The following HSPA12A variants were observed in gnomAD, a reference collection of about 807,000 sequenced individuals.
The protein encoded by HSPA12A is heat shock 70 kDa protein 12A.
In HSPA12A, 28 loss-of-function variants were observed where a neutral mutation model predicts 69.2. The observed-to-expected ratio is 0.40, with a 90% CI of 0.30 to 0.55. The LOEUF (loss-of-function observed/expected upper bound fraction) is 0.55, where lower values mean the gene tolerates loss of function less well. Among genes scored for constraint, HSPA12A ranks in the 20% least tolerant of loss-of-function variants. The pLI, the probability that HSPA12A is intolerant of heterozygous loss-of-function variation, is 0.38. For synonymous variants in HSPA12A, 345 were observed against 370.5 expected (o/e 0.93, Z 0.79); for missense variants, 686 against 900.7 (o/e 0.76, Z 3.05).
intron 2 of HSPA12A, among the ~76,000 whole-genome samples, chr10:116,758,606 T>G (rs1477242126): frequency 6.6e-6 from 1 of 152,182 alleles, no homozygotes; most frequent in Non-Finnish European, 1.5e-5. Flanking sequence ...AATCCCTGCC[T>G]GTGGATCATT....
intron 7 of HSPA12A, 73 bp downstream of exon 7, chr10:116,683,718 C>T (rs1564775578): frequency 1.5e-6 from 2 of 1,374,648 alleles, no homozygotes; most frequent in Non-Finnish European, 1.9e-6. Context: ...CCTTTAAAAT[C>T]ATCAGAGGGA....
At chr10:116,807,016 G>A (rs1845083262) in intron 2 of HSPA12A, among the ~76,000 whole-genome samples, 1 of 152,212 alleles carries the variant, frequency 6.6e-6, no homozygotes. Context: ...TGAAGACAGA[G>A]GTGGAGACTG....
chr10:116,749,302 T>C (rs926275832), intron 2 of HSPA12A, among the ~76,000 whole-genome samples: 1 of 152,192 alleles, frequency 6.6e-6, no homozygotes, highest in East Asian at 1.9e-4. Flanking sequence ...AGAATGAACA[T>C]TTATCAAGCA....
At chr10:116,762,990 A>G (rs1046078012) in intron 2 of HSPA12A, among the ~76,000 whole-genome samples, 26 of 152,136 alleles carry the variant, frequency 1.7e-4, no homozygotes, top group African/African-American at 6.0e-4. Context: ...CCTCTAAGGC[A>G]GTTCTCTCTT....
chr10:116,769,805 C>T (rs1302974939), intron 2 of HSPA12A, among the ~76,000 whole-genome samples: 1 of 152,174 alleles, frequency 6.6e-6, no homozygotes, highest in Non-Finnish European at 1.5e-5. Context: ...TTCTGAAGCC[C>T]CTTTACTCTC....
At chr10:116,759,989 T>G (rs1159430809) in intron 2 of HSPA12A, among the ~76,000 whole-genome samples, 1 of 152,214 alleles carries the variant, frequency 6.6e-6, no homozygotes, top group African/African-American at 2.4e-5. Context: ...CATGGAACTA[T>G]GAACCCATTA....
At chr10:116,779,038 T>C (rs1554891475) in intron 2 of HSPA12A, among the ~76,000 whole-genome samples, 2 of 152,200 alleles carry the variant, frequency 1.3e-5, no homozygotes, top group East Asian at 1.9e-4. Context: ...ATGCCTGATA[T>C]AGGTCAGTTA....
intron 2 of HSPA12A, among the ~76,000 whole-genome samples, chr10:116,820,632 TG>T (rs1845394703): frequency 6.6e-6 from 1 of 152,104 alleles, no homozygotes; most frequent in African/African-American, 2.4e-5. Flanking sequence ...CTCATTGCTG[TG>T]GCTCTGAATG....
chr10:116,730,722 T>C (rs1163632028), intron 1 of HSPA12A, among the ~76,000 whole-genome samples: 3 of 152,230 alleles, frequency 2.0e-5, no homozygotes, highest in African/African-American at 7.2e-5. Flanking sequence ...TTCTAGCAGC[T>C]TTGCTGGCCA....
chr10:116,785,779 G>A (rs2133144117), intron 2 of HSPA12A, among the ~76,000 whole-genome samples: 1 of 152,206 alleles, frequency 6.6e-6, no homozygotes, highest in East Asian at 1.9e-4. Context: ...CCATCCACCG[G>A]TTATCCCAGC....
chr10:116,811,721 C>G (rs1223488582), intron 2 of HSPA12A, among the ~76,000 whole-genome samples: 13 of 152,178 alleles, frequency 8.5e-5, no homozygotes, highest in Admixed American at 7.9e-4. Context: ...AATCAAACTG[C>G]CTGCGCTCCG....
In HSPA12A at chr10:116,763,994, G is replaced by T. The variant is rs187226138; in HGVS notation, c.92-56709C>A. Among the ~76,000 whole-genome samples, 19 of 152,156 alleles carry T rather than the reference G, an allele frequency of 1.2e-4. No individual in the cohort carries two copies. In the East Asian group the frequency reaches 1.6e-3, roughly 12 times the overall value. The stretch of plus-strand genomic sequence containing the variant: ...CTCTCTCACTTCCCTGCAACCTTTG[G>T]GGGGGTGTTCCAGGAAGTCTATGAC... On this transcript the variant is annotated intron_variant, in intron 2 of 12. Transcript: ENST00000635765.
intron 2 of HSPA12A, among the ~76,000 whole-genome samples, chr10:116,777,154 C>T (rs1052401450): frequency 2.0e-5 from 3 of 152,124 alleles, no homozygotes; most frequent in Non-Finnish European, 4.4e-5. Flanking sequence ...TTCCCTGCCT[C>T]GTCAACACCC....
chr10:116,772,781 A>C (rs549813099), intron 2 of HSPA12A, among the ~76,000 whole-genome samples: 154 of 151,696 alleles, frequency 1.0e-3, no homozygotes, highest in Non-Finnish European at 1.8e-3. Context: ...TGCAGCCTCA[A>C]CCTCCTGGGC....
intron 2 of HSPA12A, among the ~76,000 whole-genome samples, chr10:116,764,957 A>G (rs1232366916): frequency 6.6e-6 from 1 of 152,218 alleles, no homozygotes; most frequent in African/African-American, 2.4e-5. Flanking sequence ...TGGGGATAGA[A>G]GTATTGGTGC....
At chr10:116,780,417 T>C (rs1844439124) in intron 2 of HSPA12A, among the ~76,000 whole-genome samples, 1 of 152,020 alleles carries the variant, frequency 6.6e-6, no homozygotes, top group Non-Finnish European at 1.5e-5. Flanking sequence ...AGAGGTGCAG[T>C]CACCACTCAC....
At chr10:116,817,884 G>T (rs1419513787) in intron 2 of HSPA12A, among the ~76,000 whole-genome samples, 1 of 152,114 alleles carries the variant, frequency 6.6e-6, no homozygotes, top group African/African-American at 2.4e-5. Context: ...GCAGCAGTTC[G>T]GTTGCCCTGG....
At chr10:116,817,350 C>T (rs932166497) in intron 2 of HSPA12A, among the ~76,000 whole-genome samples, 1 of 152,072 alleles carries the variant, frequency 6.6e-6, no homozygotes, top group African/African-American at 2.4e-5. Context: ...CAATGGCATT[C>T]CAGAGACAAT....
At chr10:116,803,448 C>A (rs1183264123) in intron 2 of HSPA12A, among the ~76,000 whole-genome samples, 1 of 152,178 alleles carries the variant, frequency 6.6e-6, no homozygotes, top group African/African-American at 2.4e-5. Context: ...GTATCTAACC[C>A]CGCAGGCACC....
Sources: gnomAD v4.1 joint callset for allele counts (sites outside exome capture counted in the v4.1 genomes callset) on GRCh38, gnomAD v4.1.1 for gene constraint, MANE v1.5 for transcripts, NCBI Gene and HGNC (gene_info 2026-07-23, HGNC 2026-07-21) for gene names.